The following SPATA6L variants were observed in gnomAD, a reference collection of about 807,000 sequenced individuals.
SPATA6L encodes spermatogenesis associated 6 like.
Under a neutral mutation model 49.2 loss-of-function variants are expected in SPATA6L, and 68 were observed. That is an observed-to-expected ratio of 1.38 (90% CI 1.14 to 1.69). The LOEUF (loss-of-function observed/expected upper bound fraction) is 1.69, where lower values mean the gene tolerates loss of function less well. SPATA6L is among the 40% of genes most tolerant of loss of function. SPATA6L has a pLI of 0.00. For synonymous variants in SPATA6L, 198 were observed against 165.7 expected (o/e 1.19, Z -1.50); for missense variants, 668 against 464.3 (o/e 1.44, Z -4.03).
At chr9:4,613,211 T>G (rs200846931) in intron 9 of SPATA6L, among the ~76,000 whole-genome samples, 1 of 147,940 alleles carries the variant, frequency 6.8e-6, no homozygotes, top group Non-Finnish European at 1.5e-5. Context: ...CTGGGTAACA[T>G]AGCAAGATTC....
In SPATA6L at chr9:4,666,319, C is replaced by G. The variant is rs375569675; in HGVS notation, c.-69G>C. On this transcript the variant is annotated 5_prime_UTR_variant, in exon 1 of 12. Transcript: ENST00000682582. ...TGTGCCGAGCCTTGGACCAATTTTT[C>G]TTAGTTTAGCTGAATACCTAGAGCA... is the stretch of plus-strand genomic sequence containing the variant. 92 of 1,539,510 alleles carry G rather than the reference C, an allele frequency of 6.0e-5. 1 individual carries two copies. The East Asian group carries it at 8.1e-4, about 14-fold the overall frequency.
chr9:4,616,516 C>T (rs1375842602), intron 9 of SPATA6L, among the ~76,000 whole-genome samples: 1 of 152,114 alleles, frequency 6.6e-6, no homozygotes, highest in African/African-American at 2.4e-5. Context: ...CAGGAGGGGA[C>T]AGAGGCCAGG....
downstream of SPATA6L, among the ~76,000 whole-genome samples, chr9:4,596,909 G>C (rs546947372): frequency 7.9e-5 from 12 of 152,292 alleles, no homozygotes; most frequent in African/African-American, 2.9e-4. Context: ...TCCTTAGCAA[G>C]AAATAGGGGG....
chr9:4,607,213 A>C (rs1161703839), intron 9 of SPATA6L, among the ~76,000 whole-genome samples: 2 of 151,282 alleles, frequency 1.3e-5, no homozygotes, highest in Non-Finnish European at 2.9e-5. Context: ...AAGTTGGAAA[A>C]CACTCTGCAG....
At chr9:4,656,149 A>C in intron 2 of SPATA6L, 60 bp from the exon 3 acceptor site, 7 of 1,403,818 alleles carry the variant, frequency 5.0e-6, no homozygotes, top group Non-Finnish European at 7.0e-6. Context: ...GCATATAGAA[A>C]CTGTAAATGC....
chr9:4,606,003 C>T (rs910196468), intron 9 of SPATA6L, among the ~76,000 whole-genome samples: 12 of 152,250 alleles, frequency 7.9e-5, no homozygotes, highest in East Asian at 3.9e-4. Context: ...ACTCGGGAAG[C>T]GCAAGGGGTC....
chr9:4,634,629 A>G (rs185578773), intron 4 of SPATA6L, among the ~76,000 whole-genome samples: 4 of 152,328 alleles, frequency 2.6e-5, no homozygotes, highest in African/African-American at 7.2e-5. Context: ...ATAATTCTCA[A>G]AAGTGTGGCC....
chr9:4,642,777 T>C (rs770853843), intron 3 of SPATA6L, among the ~76,000 whole-genome samples: 9 of 150,390 alleles, frequency 6.0e-5, no homozygotes, highest in Non-Finnish European at 1.0e-4. Flanking sequence ...GTTTTAAGCA[T>C]AACTGATTGA....
intron 11 of SPATA6L, among the ~76,000 whole-genome samples, chr9:4,602,552 G>T (rs527647291): frequency 2.0e-5 from 3 of 152,276 alleles, no homozygotes; most frequent in Admixed American, 6.5e-5. Context: ...AACTTAGCAG[G>T]TCATCCCACA....
chr9:4,595,573 C>T (rs188100005), downstream of SPATA6L, among the ~76,000 whole-genome samples: 2 of 152,092 alleles, frequency 1.3e-5, no homozygotes, highest in African/African-American at 2.4e-5. Context: ...AGGACATTTC[C>T]TCTTCTCTAT....
chr9:4,606,728 G>T (rs546967035), intron 9 of SPATA6L, among the ~76,000 whole-genome samples: 5 of 144,672 alleles, frequency 3.5e-5, no homozygotes, highest in Admixed American at 7.1e-5. Flanking sequence ...ACTCTAAAAA[G>T]CAGAGCGCCT....
chr9:4,662,831 C>T lies in SPATA6L; in HGVS notation c.40-795G>A, dbSNP rs1475838469. ...TCCCCTGGCTGCTGGGCACCCTCTA[C>T]TGCCTGTGCAGGAGCGACAGCTGGG... On this transcript the variant is annotated intron_variant, in intron 1 of 11. Transcript: ENST00000682582. This position sits in a 1 kb window ranked among gnomAD's most constrained non-coding sequence, Gnocchi z 4.9. 2 of 1,605,298 alleles carry T rather than the reference C, an allele frequency of 1.2e-6. No individual in the cohort carries two copies. The highest frequency in any genetic ancestry group is 1.7e-6 in the Non-Finnish European group (2 of 1,179,946).
chr9:4,629,516 C>T (rs866835584), intron 4 of SPATA6L, among the ~76,000 whole-genome samples: 11 of 151,918 alleles, frequency 7.2e-5, no homozygotes, highest in Non-Finnish European at 1.5e-4. Context: ...CTCCAGTGTC[C>T]ATGATGTTAG....
At chr9:4,654,143 G>A (rs1053703343) in intron 3 of SPATA6L, among the ~76,000 whole-genome samples, 2 of 152,194 alleles carry the variant, frequency 1.3e-5, no homozygotes, top group Admixed American at 1.3e-4. Flanking sequence ...CAAAATGACA[G>A]ACAATAACAA....
intron 9 of SPATA6L, among the ~76,000 whole-genome samples, chr9:4,608,718 A>G (rs1825933767): frequency 6.6e-6 from 1 of 151,338 alleles, no homozygotes; most frequent in Non-Finnish European, 1.5e-5. Context: ...TGACACTCTA[A>G]CATCACAATT....
chr9:4,620,019 C>G (rs1224595126), intron 7 of SPATA6L, among the ~76,000 whole-genome samples: 1 of 152,170 alleles, frequency 6.6e-6, no homozygotes, highest in Non-Finnish European at 1.5e-5. Flanking sequence ...ATCCCCCTCC[C>G]CACGTCACCG....
At chr9:4,663,624 C>T (rs1021016024) in intron 1 of SPATA6L, 2 of 225,330 alleles carry the variant, frequency 8.9e-6, no homozygotes, top group Non-Finnish European at 1.9e-5. Context: ...CAACATACCA[C>T]TTGTAAACTG....
At chr9:4,595,427 C>T (rs1446236101), downstream of SPATA6L, among the ~76,000 whole-genome samples, 1 of 152,178 alleles carries the variant, frequency 6.6e-6, no homozygotes, top group African/African-American at 2.4e-5. Context: ...TCTACCTACT[C>T]CCAAACCATC....
Position 4,618,029 on chromosome 9 carries a change from A to C in SPATA6L, c.889T>G (p.Ser297Ala). ...CLDSSQFGKS[S>A]SSKQGDADFH... Reference sequence around the variant, plus strand: ...TCAGCATCCCCTTGTTTACTGGATGAAGACTTTCCAAACTGACTTGAATCT... The same window carrying C: ...TCAGCATCCCCTTGTTTACTGGATGCAGACTTTCCAAACTGACTTGAATCT... Residue 297 changes from serine (S) to alanine (A), a missense_variant, in exon 9 of 12, where the codon TCA (serine) becomes GCA (alanine). Coordinates refer to ENST00000682582, the MANE Select transcript of SPATA6L (RefSeq NM_001353486.2). The C allele has an allele frequency of 6.2e-7, 1 of 1,614,138 alleles. No homozygotes were observed. Among genetic ancestry groups the C allele is most frequent in the Non-Finnish European group, 8.5e-7 (1 of 1,180,002 alleles).
Sources: gnomAD v4.1 joint callset for allele counts (sites outside exome capture counted in the v4.1 genomes callset) on GRCh38, gnomAD v4.1.1 for gene constraint, Gnocchi (gnomAD v3.1) non-coding constraint, MANE v1.5 for transcripts, NCBI Gene and HGNC (gene_info 2026-07-23, HGNC 2026-07-21) for gene names.